The following DOCK8 variants were observed in gnomAD, a reference collection of about 807,000 sequenced individuals.
DOCK8 encodes the protein dedicator of cytokinesis protein 8.
Under a neutral mutation model 245.6 loss-of-function variants are expected in DOCK8, and 141 were observed. The ratio of observed to expected loss-of-function variants is 0.57; its 90% CI spans 0.50 to 0.66. The LOEUF (loss-of-function observed/expected upper bound fraction) is 0.66. Ranked by LOEUF, DOCK8 falls within the 30% of genes least tolerant of loss-of-function variation. The pLI, the probability that DOCK8 is intolerant of heterozygous loss-of-function variation, is 0.00. For missense variants in DOCK8, 2,965 were observed against 2,603.4 expected (o/e 1.14, Z -3.02); for synonymous variants, 1,168 against 970.2 (o/e 1.20, Z -3.79).
intron 2 of DOCK8, among the ~76,000 whole-genome samples, chr9:285,676 T>C (rs2048793175): frequency 1.3e-5 from 2 of 152,244 alleles, no homozygotes; most frequent in Admixed American, 1.3e-4. Flanking sequence ...TTATCAATTA[T>C]AAGAATTGTT....
At chr9:235,511 G>T (rs576063669) in intron 1 of DOCK8, among the ~76,000 whole-genome samples, 1 of 152,346 alleles carries the variant, frequency 6.6e-6, no homozygotes, top group East Asian at 1.9e-4. Flanking sequence ...GCCTACAGAG[G>T]CAGGCAGGCC....
intron 9 of DOCK8, among the ~76,000 whole-genome samples, chr9:329,002 T>G (rs901718046): frequency 2.9e-5 from 4 of 136,764 alleles, no homozygotes; most frequent in African/African-American, 1.1e-4. Flanking sequence ...CAGGCTGGAG[T>G]GCAGTGTCAC....
intron 1 of DOCK8, among the ~76,000 whole-genome samples, chr9:251,972 CTTTTTTTTTT>C (rs34456943): frequency 3.8e-5 from 5 of 130,614 alleles, no homozygotes; most frequent in African/African-American, 1.2e-4. Flanking sequence ...ATTGTGTTTT[CTTTTTTTTTT>C]TTTTTTTTTG....
At chr9:401,080 C>T (rs62531868) in intron 26 of DOCK8, among the ~76,000 whole-genome samples, 132,039 of 134,982 alleles carry the variant, frequency 0.98, 64,606 homozygotes, top group African/African-American at 0.99. Flanking sequence ...TCATCACCAC[C>T]ACCACCTCCA....
intron 40 of DOCK8, among the ~76,000 whole-genome samples, chr9:440,549 A>G (rs780647360): frequency 1.3e-5 from 2 of 152,040 alleles, no homozygotes; most frequent in Non-Finnish European, 2.9e-5. Context: ...AAAATGTCTA[A>G]TATACTCTCA....
chr9:248,483 C>T (rs2047563657), intron 1 of DOCK8, among the ~76,000 whole-genome samples: 1 of 151,544 alleles, frequency 6.6e-6, no homozygotes, highest in African/African-American at 2.4e-5. Context: ...CCTCCTCTCT[C>T]CTCTCTTTCT....
chr9:372,780 C>T (rs907236503), intron 18 of DOCK8, among the ~76,000 whole-genome samples: 4 of 151,318 alleles, frequency 2.6e-5, no homozygotes, highest in African/African-American at 7.4e-5. Context: ...TGCTGCAGTG[C>T]ACCCATTTAA....
chr9:347,626 G>A (rs901790576), intron 14 of DOCK8, among the ~76,000 whole-genome samples: 1 of 152,218 alleles, frequency 6.6e-6, no homozygotes, highest in African/African-American at 2.4e-5. Flanking sequence ...AAACCATGTA[G>A]TTAGGAAGGG....
chr9:294,119 G>A (rs1400536624), intron 4 of DOCK8, among the ~76,000 whole-genome samples: 1 of 152,218 alleles, frequency 6.6e-6, no homozygotes, highest in East Asian at 1.9e-4. Flanking sequence ...AACTGTCCAT[G>A]TCAGAGCTAT....
chr9:342,748 G>A (rs974080648), intron 14 of DOCK8, among the ~76,000 whole-genome samples: 1 of 152,162 alleles, frequency 6.6e-6, no homozygotes, highest in Non-Finnish European at 1.5e-5. Context: ...GATTACAGGT[G>A]TGAGCCACCA....
intron 1 of DOCK8, chr9:267,867 A>C (rs376452906): frequency 1.3e-5 from 2 of 152,180 alleles, no homozygotes; most frequent in Non-Finnish European, 2.9e-5. Flanking sequence ...TCTTATGTTC[A>C]TTTCTGCTCA....
chr9:264,615 G>A (rs2047994669), intron 1 of DOCK8, among the ~76,000 whole-genome samples: 2 of 152,196 alleles, frequency 1.3e-5, no homozygotes, highest in African/African-American at 2.4e-5. Context: ...ATGCATATAT[G>A]TATATGAGTG....
rs556086783 is a variant in DOCK8, at chr9:282,948, C to T, written c.157-3513C>T. Among the ~76,000 whole-genome samples the T allele has an allele frequency of 1.4e-3, 207 of 152,192 alleles. No individual in the cohort carries two copies. The Middle Eastern group carries it at 0.014, about 10-fold the overall frequency. The stretch of plus-strand genomic sequence containing the variant: ...TTACATTTATTATCACTTTTATTTA[C>T]TTACTATTATTACTCTGAGCAGCCA... On this transcript the variant is annotated intron_variant, in intron 2 of 47. Coordinates refer to ENST00000432829, the MANE Select transcript of DOCK8 (RefSeq NM_203447.4).
At chr9:382,707 G>C (rs367572305) in intron 22 of DOCK8, 22 bp downstream of exon 22, 1 of 1,613,826 alleles carries the variant, frequency 6.2e-7, no homozygotes, top group South Asian at 1.1e-5. Context: ...GTCAAACCGT[G>C]GAAGGGGACA....
At chr9:369,150 A>G (rs1303403352) in intron 15 of DOCK8, 1 of 137,562 alleles carries the variant, frequency 7.3e-6, no homozygotes, top group Non-Finnish European at 1.5e-5. Context: ...CTTTCTCTTA[A>G]TGTCCCACCC....
chr9:413,867 C>T (rs1253915264), intron 28 of DOCK8, among the ~76,000 whole-genome samples: 1 of 152,208 alleles, frequency 6.6e-6, no homozygotes, highest in Non-Finnish European at 1.5e-5. Context: ...AGGCTGGGCG[C>T]TCGGCGGCTC....
chr9:258,629 G>T (rs1272203862), intron 1 of DOCK8, among the ~76,000 whole-genome samples: 4 of 112,384 alleles, frequency 3.6e-5, no homozygotes, highest in African/African-American at 1.4e-4. Context: ...ATGGAGTCTT[G>T]CTCTGTTGCC....
intron 1 of DOCK8, among the ~76,000 whole-genome samples, chr9:251,005 C>A (rs1041317868): frequency 6.6e-6 from 1 of 152,046 alleles, no homozygotes; most frequent in Non-Finnish European, 1.5e-5. Flanking sequence ...TTTTCTGATG[C>A]CAGTGAGTTG....
chr9:435,008 T>C (rs945055740), intron 39 of DOCK8, 33 bp downstream of exon 39: 3 of 1,608,928 alleles, frequency 1.9e-6, no homozygotes, highest in African/African-American at 1.3e-5. Context: ...CTTAGAGCAG[T>C]GGTTCTCAAC....
Sources: allele counts gnomAD v4.1 joint callset (sites outside exome capture counted in the v4.1 genomes callset), GRCh38; gene constraint gnomAD v4.1.1; transcripts MANE v1.5; gene names NCBI Gene and HGNC (gene_info 2026-07-23, HGNC 2026-07-21).